ELMO1: variants seen among roughly 807,000 people sequenced by gnomAD.
The protein encoded by ELMO1 is engulfment and cell motility protein 1.
Under a neutral mutation model 98.9 loss-of-function variants are expected in ELMO1, and 26 were observed. The observed-to-expected ratio is 0.26, with a 90% CI of 0.19 to 0.36. ELMO1 has a LOEUF of 0.36. Ranked by LOEUF, ELMO1 falls within the 10% of genes least tolerant of loss-of-function variation. The pLI, the probability that ELMO1 is intolerant of heterozygous loss-of-function variation, is 1.00. For missense variants in ELMO1, 627 were observed against 935.2 expected, an observed-to-expected ratio of 0.67 and a Z score of 4.30; for synonymous variants, 346 against 346.0, an observed-to-expected ratio of 1.00 and a Z score of 0.00.
chr7:37,188,553 G>T (rs143876267), intron 13 of ELMO1, among the ~76,000 whole-genome samples: 85 of 148,748 alleles, frequency 5.7e-4, no homozygotes, highest in African/African-American at 2.1e-3. Flanking sequence ...GACTATAATA[G>T]GGAGATAGGA....
chr7:36,858,793 G>T (rs971583616), intron 21 of ELMO1, among the ~76,000 whole-genome samples: 1 of 152,122 alleles, frequency 6.6e-6, no homozygotes, highest in East Asian at 1.9e-4. Flanking sequence ...AGTGCAGGTG[G>T]ACTCTTGAGT....
intron 15 of ELMO1, among the ~76,000 whole-genome samples, chr7:37,052,826 G>A (rs1267741392): frequency 6.6e-6 from 1 of 152,170 alleles, no homozygotes; most frequent in African/African-American, 2.4e-5. Context: ...TAGCCTGGGA[G>A]GAAGCCCAAA....
At chr7:36,945,311 T>A (rs1280418668) in intron 16 of ELMO1, among the ~76,000 whole-genome samples, 1 of 152,218 alleles carries the variant, frequency 6.6e-6, no homozygotes, top group African/African-American at 2.4e-5. Flanking sequence ...TTCTTCCTTT[T>A]CTACTTTCAC....
At chr7:37,115,305 G>A (rs1307631313) in intron 14 of ELMO1, among the ~76,000 whole-genome samples, 1 of 152,094 alleles carries the variant, frequency 6.6e-6, no homozygotes, top group Non-Finnish European at 1.5e-5. Context: ...GAAAAAAAAT[G>A]CGGATCTATA....
At chr7:37,116,669 A>AT (rs1217874855) in intron 14 of ELMO1, 1 of 151,446 alleles carries the variant, frequency 6.6e-6, no homozygotes, top group Non-Finnish European at 1.5e-5. Flanking sequence ...GTGTTTTAAA[A>AT]TTAAAAAAAA....
intron 16 of ELMO1, among the ~76,000 whole-genome samples, chr7:36,961,353 T>G (rs1388301806): frequency 6.6e-6 from 1 of 151,946 alleles, no homozygotes; most frequent in Admixed American, 6.6e-5. Flanking sequence ...AATTACAAAC[T>G]AGAGGAAAAA....
chr7:37,390,405 GAC>G (rs1260606236), intron 1 of ELMO1, among the ~76,000 whole-genome samples: 2 of 152,112 alleles, frequency 1.3e-5, no homozygotes, highest in African/African-American at 4.8e-5. Context: ...GACTGACAAA[GAC>G]ACAGGTCAGT....
At position 37,292,376 on chromosome 7, in the gene ELMO1, T is replaced by A. The variant is rs1355806581; in HGVS notation, c.193-20494A>T. ...GCCTCTGCCCGGCCGCCACCCCGTC[T>A]GGGAAGTGAGGAGCGTCTCCGCCTG... On this transcript the variant is annotated intron_variant, in intron 4 of 21. Coordinates refer to ENST00000310758, the MANE Select transcript of ELMO1 (RefSeq NM_014800.11). Among the ~76,000 whole-genome samples, 4 of 82,928 alleles carry A rather than the reference T, an allele frequency of 4.8e-5. 1 individual carries two copies. The highest frequency in any genetic ancestry group is 1.3e-4 in the African/African-American group (4 of 30,198). The allele number at this position is 82,928 out of a possible 152,430, so 54.4% of individuals were successfully genotyped here. A position where few individuals can be genotyped will look rare whatever the true frequency, so the allele number is the denominator to read the frequency against.
intron 16 of ELMO1, among the ~76,000 whole-genome samples, chr7:36,974,303 A>G (rs369180198): frequency 2.0e-5 from 3 of 152,242 alleles, no homozygotes; most frequent in East Asian, 1.9e-4. Flanking sequence ...GAGTGCACCA[A>G]TCGACACTCT....
intron 1 of ELMO1, among the ~76,000 whole-genome samples, chr7:37,417,660 T>TCA (rs34297401): frequency 0.13 from 14,298 of 109,220 alleles, 1,431 homozygotes; most frequent in African/African-American, 0.29. Flanking sequence ...TAAGACTCCG[T>TCA]CACACACACA....
intron 13 of ELMO1, among the ~76,000 whole-genome samples, chr7:37,169,651 C>G (rs1332164748): frequency 6.6e-6 from 1 of 152,186 alleles, no homozygotes; most frequent in Non-Finnish European, 1.5e-5. Context: ...TTTGCTTTTT[C>G]TTTTTACATT....
At chr7:37,200,013 T>C (rs924244207) in intron 13 of ELMO1, among the ~76,000 whole-genome samples, 2 of 152,124 alleles carry the variant, frequency 1.3e-5, no homozygotes, top group African/African-American at 4.8e-5. Flanking sequence ...TCTTCTTCAG[T>C]TTTTCAAGAG....
chr7:36,884,778 C>G (rs1394284990), intron 18 of ELMO1, among the ~76,000 whole-genome samples: 3 of 152,222 alleles, frequency 2.0e-5, no homozygotes, highest in Admixed American at 2.0e-4. Flanking sequence ...CTTTCCAGTT[C>G]TGTGGAGCTG....
intron 12 of ELMO1, 152 bp from the exon 13 acceptor site, chr7:37,211,669 T>A: frequency 8.8e-7 from 1 of 1,133,084 alleles, no homozygotes; most frequent in South Asian, 1.6e-5. Flanking sequence ...TGTTCTAAGT[T>A]AGGGCTTTGC....
intron 14 of ELMO1, among the ~76,000 whole-genome samples, chr7:37,121,793 T>G (rs1786066373): frequency 6.6e-6 from 1 of 152,058 alleles, no homozygotes; most frequent in Non-Finnish European, 1.5e-5. Context: ...AAGATACTCC[T>G]CGAGAAGAGC....
In ELMO1 at chr7:37,040,658, T is replaced by C. The variant is rs1318239551; in HGVS notation, c.1301-27223A>G. On this transcript the variant is annotated intron_variant, in intron 15 of 21. Coordinates refer to ENST00000310758, the MANE Select transcript of ELMO1 (RefSeq NM_014800.11). ...CACGCACAATGTTACTGCCTGTTAG[T>C]GTATTTCTCCATCAGTGAAGGAGGA... is the stretch of plus-strand genomic sequence containing the variant. Among the ~76,000 whole-genome samples the C allele has an allele frequency of 2.0e-5, 3 of 152,320 alleles. No individual in the cohort carries two copies. In the East Asian group the frequency reaches 5.8e-4, roughly 29 times the overall value.
At chr7:37,438,152 T>C (rs1447513242) in intron 1 of ELMO1, among the ~76,000 whole-genome samples, 1 of 152,200 alleles carries the variant, frequency 6.6e-6, no homozygotes, top group Non-Finnish European at 1.5e-5. Context: ...TCTTGTTTTC[T>C]TGAAGAAAAG....
At chr7:36,881,065 G>A (rs534474684) in intron 18 of ELMO1, among the ~76,000 whole-genome samples, 1 of 152,188 alleles carries the variant, frequency 6.6e-6, no homozygotes, top group Admixed American at 6.5e-5. Flanking sequence ...AAAAAGATTG[G>A]TACATCACAG....
chr7:36,852,945 T>C lies in ELMO1; in HGVS notation c.*2606A>G, dbSNP rs116349636. Among the ~76,000 whole-genome samples the C allele has an allele frequency of 6.2e-4, 95 of 152,342 alleles. No individual in the cohort carries two copies. The highest frequency in any genetic ancestry group is 2.1e-3 in the African/African-American group (88 of 41,588). ...TCAGTTTTATTTTGAGTAATATGAA[T>C]AGCAGAATGCAACTTGGACTTCACG... On this transcript the variant is annotated 3_prime_UTR_variant, in exon 22 of 22. Coordinates refer to ENST00000310758, the MANE Select transcript of ELMO1 (RefSeq NM_014800.11).
Sources: allele counts gnomAD v4.1 joint callset (sites outside exome capture counted in the v4.1 genomes callset), GRCh38; gene constraint gnomAD v4.1.1; transcripts MANE v1.5; gene names NCBI Gene and HGNC (gene_info 2026-07-23, HGNC 2026-07-21).